The following PDE3B variants were observed in gnomAD, a reference collection of about 807,000 sequenced individuals.
PDE3B encodes the protein cGMP-inhibited 3',5'-cyclic phosphodiesterase 3B.
Under a neutral mutation model 116.8 loss-of-function variants are expected in PDE3B, and 66 were observed. The ratio of observed to expected loss-of-function variants is 0.56; its 90% confidence interval spans 0.46 to 0.69. The LOEUF (loss-of-function observed/expected upper bound fraction) is 0.69. Ranked by LOEUF, PDE3B falls within the 30% of genes least tolerant of loss-of-function variation. The pLI is 0.00. For missense variants in PDE3B, 1,384 were observed against 1,368.1 expected (o/e 1.01, Z -0.18); for synonymous variants, 595 against 533.6 (o/e 1.12, Z -1.59).
At chr11:14,868,740 T>C (rs1256840574) in intron 15 of PDE3B, among the ~76,000 whole-genome samples, 3 of 152,200 alleles carry the variant, frequency 2.0e-5, no homozygotes, top group Non-Finnish European at 2.9e-5. Context: ...ACATGCCTTG[T>C]ATTTAGGATT....
intron 1 of PDE3B, among the ~76,000 whole-genome samples, chr11:14,705,949 G>C (rs551922281): frequency 8.6e-5 from 13 of 151,942 alleles, no homozygotes; most frequent in African/African-American, 2.2e-4. Context: ...TGTGGCAATA[G>C]TCACTTCAAA....
chr11:14,816,997 T>C (rs1238217136), intron 5 of PDE3B, among the ~76,000 whole-genome samples: 2 of 152,202 alleles, frequency 1.3e-5, no homozygotes, highest in Non-Finnish European at 2.9e-5. Flanking sequence ...CCTGTGTTTA[T>C]TGCGGCACTA....
chr11:14,650,567 G>T (rs1310944753), intron 1 of PDE3B, among the ~76,000 whole-genome samples: 1 of 152,148 alleles, frequency 6.6e-6, no homozygotes, highest in African/African-American at 2.4e-5. Context: ...TTATCTGAGT[G>T]GGTGCAGTGT....
intron 4 of PDE3B, among the ~76,000 whole-genome samples, chr11:14,800,461 T>C (rs2133931000): frequency 6.6e-6 from 1 of 152,176 alleles, no homozygotes; most frequent in Admixed American, 6.5e-5. Flanking sequence ...AGAGACTCCA[T>C]CTCAAAAAAG....
intron 1 of PDE3B, among the ~76,000 whole-genome samples, chr11:14,768,158 T>A (rs187460231): frequency 3.5e-4 from 53 of 151,696 alleles, no homozygotes; most frequent in Middle Eastern, 3.4e-3. Context: ...AAAAGAGTTT[T>A]CTCTAGTCAC....
At chr11:14,806,245 G>C (rs1342163105) in intron 5 of PDE3B, among the ~76,000 whole-genome samples, 1 of 150,178 alleles carries the variant, frequency 6.7e-6, no homozygotes, top group Non-Finnish European at 1.5e-5. Flanking sequence ...GAGGTCAGGA[G>C]ATCGAGACCA....
intron 4 of PDE3B, among the ~76,000 whole-genome samples, chr11:14,791,306 C>T (rs1452992545): frequency 6.6e-6 from 1 of 152,064 alleles, no homozygotes; most frequent in African/African-American, 2.4e-5. Flanking sequence ...ATTCTGATCA[C>T]AGTTTGCCTG....
intron 1 of PDE3B, among the ~76,000 whole-genome samples, chr11:14,703,805 A>C (rs1565099039): frequency 6.6e-6 from 1 of 151,088 alleles, no homozygotes; most frequent in Non-Finnish European, 1.5e-5. Flanking sequence ...ATTCCTTCTT[A>C]CTAGTTTAAT....
At chr11:14,839,269 C>G (rs1185546853) in intron 11 of PDE3B, among the ~76,000 whole-genome samples, 1 of 152,240 alleles carries the variant, frequency 6.6e-6, no homozygotes, top group Non-Finnish European at 1.5e-5. Flanking sequence ...GAAAGAGGAC[C>G]ATCGTTGTAG....
chr11:14,696,576 A>T (rs1438838542), intron 1 of PDE3B, among the ~76,000 whole-genome samples: 2 of 152,104 alleles, frequency 1.3e-5, no homozygotes, highest in Non-Finnish European at 2.9e-5. Flanking sequence ...TTGACTGGCC[A>T]TTTGGATATT....
At chr11:14,886,000 C>T in the PDE3B span, 93 of 1,368,214 alleles carry the variant, frequency 6.8e-5, no homozygotes, top group Non-Finnish European at 8.8e-5. Flanking sequence ...GTGGTAAGTG[C>T]GGCTCTTCCA....
At chr11:14,841,037 C>A (rs1231000156) in intron 11 of PDE3B, among the ~76,000 whole-genome samples, 1 of 152,022 alleles carries the variant, frequency 6.6e-6, no homozygotes, top group Admixed American at 6.5e-5. Flanking sequence ...TTTAATATTT[C>A]CTTCAGGGTA....
At chr11:14,683,695 T>G (rs1238531230) in intron 1 of PDE3B, among the ~76,000 whole-genome samples, 1 of 152,102 alleles carries the variant, frequency 6.6e-6, no homozygotes, top group Middle Eastern at 3.2e-3. Context: ...CATTATTTCT[T>G]TTTTTTCTGC....
At chr11:14,703,362 A>G (rs1362530931) in intron 1 of PDE3B, among the ~76,000 whole-genome samples, 2 of 151,730 alleles carry the variant, frequency 1.3e-5, no homozygotes, top group Non-Finnish European at 3.0e-5. Flanking sequence ...AAGAAAAAAT[A>G]TGCTTGCAAT....
chr11:14,803,111 G>T (rs535079300), intron 4 of PDE3B, among the ~76,000 whole-genome samples: 3 of 152,126 alleles, frequency 2.0e-5, no homozygotes, highest in East Asian at 1.9e-4. Context: ...TGTAAGTTAG[G>T]GGGGAATAAA....
intron 5 of PDE3B, among the ~76,000 whole-genome samples, chr11:14,810,634 G>T (rs1158926677): frequency 6.7e-6 from 1 of 149,642 alleles, no homozygotes; most frequent in Non-Finnish European, 1.5e-5. Context: ...ACATACGTGT[G>T]CATGTGTCTT....
At chr11:14,885,167 T>A in the PDE3B span, among the ~76,000 whole-genome samples, 1 of 152,216 alleles carries the variant, frequency 6.6e-6, no homozygotes, top group Admixed American at 6.5e-5. Context: ...TCTTATACTA[T>A]TAACTATTAA....
chr11:14,751,653 G>A (rs1857059133), intron 1 of PDE3B, among the ~76,000 whole-genome samples: 1 of 152,178 alleles, frequency 6.6e-6, no homozygotes, highest in South Asian at 2.1e-4. Flanking sequence ...GTGGTCAAGA[G>A]TGAGACAGGG....
At chr11:14,862,077 C>T (rs949993968) in intron 14 of PDE3B, among the ~76,000 whole-genome samples, 1 of 152,194 alleles carries the variant, frequency 6.6e-6, no homozygotes, top group African/African-American at 2.4e-5. Context: ...CCTCTTAGTG[C>T]ACATGCTTGA....
Sources: allele counts gnomAD v4.1 joint callset (sites outside exome capture counted in the v4.1 genomes callset), GRCh38; gene constraint gnomAD v4.1.1; transcripts MANE v1.5; gene names NCBI Gene and HGNC (gene_info 2026-07-23, HGNC 2026-07-21).